Variants in MBOAT2 observed in about 807,000 individuals in gnomAD.
MBOAT2 encodes membrane bound glycerophospholipid O-acyltransferase 2.
Under a neutral mutation model 63.4 loss-of-function variants are expected in MBOAT2, and 28 were observed. The ratio of observed to expected loss-of-function variants is 0.44; its 90% CI spans 0.33 to 0.61. MBOAT2 has a LOEUF of 0.61. Ranked by LOEUF, MBOAT2 falls within the 20% of genes least tolerant of loss-of-function variation. The pLI is 0.03. For missense variants in MBOAT2, 470 were observed against 605.8 expected (o/e 0.78, Z 2.35); for synonymous variants, 211 against 215.6 (o/e 0.98, Z 0.19).
At chr2:8,950,455 T>C (rs1481197567) in intron 2 of MBOAT2, among the ~76,000 whole-genome samples, 1 of 152,184 alleles carries the variant, frequency 6.6e-6, no homozygotes, top group Non-Finnish European at 1.5e-5. Context: ...TGAGACACAG[T>C]CTCGCTCTGT....
chr2:9,002,880 A>G (rs1438268320), intron 1 of MBOAT2, among the ~76,000 whole-genome samples: 4 of 152,218 alleles, frequency 2.6e-5, no homozygotes, highest in Admixed American at 2.6e-4. Flanking sequence ...CCACTTTGTC[A>G]GCAAGAATCC....
intron 1 of MBOAT2, among the ~76,000 whole-genome samples, chr2:8,987,234 C>T (rs909366035): frequency 2.6e-5 from 4 of 152,116 alleles, no homozygotes; most frequent in African/African-American, 9.7e-5. Context: ...AGTATATTTT[C>T]AAAAATCTCA....
chr2:8,989,512 G>A (rs1449772723), intron 1 of MBOAT2, among the ~76,000 whole-genome samples: 1 of 152,186 alleles, frequency 6.6e-6, no homozygotes, highest in Non-Finnish European at 1.5e-5. Context: ...TCAAGATACG[G>A]AGCTGTATCA....
chr2:8,949,398 A>G (rs1441758075), intron 2 of MBOAT2, among the ~76,000 whole-genome samples: 2 of 147,372 alleles, frequency 1.4e-5, no homozygotes, highest in East Asian at 3.9e-4. Context: ...TTAGTCATAA[A>G]TCCTTTCCCA....
At chr2:8,874,098 A>G (rs565552152) in intron 7 of MBOAT2, among the ~76,000 whole-genome samples, 5 of 152,362 alleles carry the variant, frequency 3.3e-5, no homozygotes, top group Admixed American at 3.3e-4. Context: ...CAGTAACCAA[A>G]TAGTATTCAA....
Position 8,940,624 on chromosome 2 carries a change from A to G in MBOAT2, c.299+2563T>C, listed in dbSNP as rs1462582899. On this transcript the variant is annotated intron_variant, in intron 3 of 12. Coordinates refer to ENST00000305997, the MANE Select transcript of MBOAT2 (RefSeq NM_138799.4). ...ACATTTTAAAGGTAAGATATGAATC[A>G]GAATAATAAAACATACCATAGAGGC... Among the ~76,000 whole-genome samples, 3 of 152,228 alleles carry G rather than the reference A, an allele frequency of 2.0e-5. No homozygotes were observed. In the East Asian group the frequency reaches 5.8e-4, roughly 29 times the overall value.
chr2:8,914,089 A>G (rs1558609027), intron 3 of MBOAT2, among the ~76,000 whole-genome samples: 1 of 152,206 alleles, frequency 6.6e-6, no homozygotes, highest in Non-Finnish European at 1.5e-5. Flanking sequence ...ACAAAACATC[A>G]TATGTTCTGA....
At position 8,877,176 on chromosome 2, in the gene MBOAT2, A is replaced by G; in HGVS notation, c.544T>C (p.Cys182Arg). 6.2e-7 allele frequency: 1 copy of G among 1,613,474 alleles called. No homozygotes were observed. The highest frequency in any genetic ancestry group is 8.5e-7 in the Non-Finnish European group (1 of 1,179,844). Residue 182 changes from cysteine (C) to arginine (R), a missense_variant, in exon 7 of 13, where the codon TGT becomes CGT. Coordinates refer to ENST00000305997, the MANE Select transcript of MBOAT2 (RefSeq NM_138799.4). ...CCTGCCAGGATCCCCATGAAGTTAC[A>G]GTTGTAACTCAAATACTCCAGTAAG... ...PSLLEYLSYN[C>R]NFMGILAGPL...
chr2:8,917,597 G>A (rs1319053618), intron 3 of MBOAT2, among the ~76,000 whole-genome samples: 1 of 152,136 alleles, frequency 6.6e-6, no homozygotes, highest in African/African-American at 2.4e-5. Context: ...ACTGCTGGTG[G>A]GAACAGAAAG....
At chr2:8,950,312 C>T (rs1168595251) in intron 2 of MBOAT2, among the ~76,000 whole-genome samples, 1 of 152,134 alleles carries the variant, frequency 6.6e-6, no homozygotes, top group Non-Finnish European at 1.5e-5. Flanking sequence ...CCTTTTATTT[C>T]TTTCTCTTGC....
chr2:8,898,910 G>A (rs1429933739), intron 4 of MBOAT2, among the ~76,000 whole-genome samples: 1 of 152,228 alleles, frequency 6.6e-6, no homozygotes, highest in Non-Finnish European at 1.5e-5. Flanking sequence ...TCATTGATAA[G>A]TCTAAGATCT....
At chr2:8,885,646 T>A (rs955110508) in intron 5 of MBOAT2, among the ~76,000 whole-genome samples, 4 of 152,228 alleles carry the variant, frequency 2.6e-5, no homozygotes, top group Admixed American at 2.0e-4. Context: ...CAGGTTATTT[T>A]AGTCATTCAT....
At chr2:8,944,091 C>G (rs1334545575) in intron 2 of MBOAT2, among the ~76,000 whole-genome samples, 1 of 152,188 alleles carries the variant, frequency 6.6e-6, no homozygotes, top group African/African-American at 2.4e-5. Flanking sequence ...TCTTGAACTC[C>G]TGACCTCGTG....
intron 3 of MBOAT2, among the ~76,000 whole-genome samples, chr2:8,938,728 C>T (rs1192561156): frequency 6.6e-6 from 1 of 151,362 alleles, no homozygotes; most frequent in East Asian, 1.9e-4. Context: ...ATGTTTCATG[C>T]CACCGTTGTC....
chr2:8,983,375 G>A (rs1357455150), intron 1 of MBOAT2, among the ~76,000 whole-genome samples: 4 of 152,006 alleles, frequency 2.6e-5, no homozygotes, highest in Non-Finnish European at 4.4e-5. Context: ...AATTTAAACA[G>A]CCCTGTAACT....
intron 1 of MBOAT2, among the ~76,000 whole-genome samples, chr2:8,970,323 G>A (rs890036913): frequency 6.6e-6 from 1 of 152,156 alleles, no homozygotes; most frequent in African/African-American, 2.4e-5. Flanking sequence ...TGAAACCAAT[G>A]AGAACAAAGA....
chr2:8,986,378 A>C lies in MBOAT2; in HGVS notation c.75+17162T>G, dbSNP rs114534116. On this transcript the variant is annotated intron_variant, in intron 1 of 12. Transcript: ENST00000305997. ...ATCACTTGCGAGACCAGCCTGGGCAACATAGTGAAATCCCCTCTCTCCAAA... is the reference window on the plus strand; with the variant it reads ...ATCACTTGCGAGACCAGCCTGGGCACCATAGTGAAATCCCCTCTCTCCAAA... 2.3e-3 allele frequency among the ~76,000 whole-genome samples: 344 copies of C among 152,156 alleles called. 1 individual carries two copies. Among genetic ancestry groups the C allele is most frequent in the African/African-American group, 7.8e-3 (324 of 41,514 alleles).
At chr2:9,002,374 G>A (rs1672757738) in intron 1 of MBOAT2, among the ~76,000 whole-genome samples, 2 of 152,190 alleles carry the variant, frequency 1.3e-5, no homozygotes, top group Non-Finnish European at 2.9e-5. Context: ...GTATCCTAAT[G>A]TCAGGTTTCC....
rs1661187292 is a variant in MBOAT2 at position 8,857,666 on chromosome 2, C to G, written c.*1013G>C. On this transcript the variant is annotated 3_prime_UTR_variant, in exon 13 of 13. Transcript: ENST00000305997. Reference sequence around the variant, plus strand: ...CAGATAGTAACCTACCTAGCGATTTCTCTTTCAAAACCTTTGAGCAACCTA... The same window carrying G: ...CAGATAGTAACCTACCTAGCGATTTGTCTTTCAAAACCTTTGAGCAACCTA... The G allele has an allele frequency of 6.6e-6, 1 of 152,196 alleles. No individual in the cohort carries two copies. The highest frequency in any genetic ancestry group is 1.5e-5 in the Non-Finnish European group (1 of 68,028). 9.4% of individuals were successfully genotyped at this position (152,196 alleles called of 1,614,324 possible).
Sources: gnomAD v4.1 joint callset for allele counts (sites outside exome capture counted in the v4.1 genomes callset) on GRCh38, gnomAD v4.1.1 for gene constraint, MANE v1.5 for transcripts, NCBI Gene and HGNC (gene_info 2026-07-23, HGNC 2026-07-21) for gene names.